Variants in MIPEP observed in about 807,000 individuals in gnomAD.
MIPEP encodes the protein mitochondrial intermediate peptidase.
A neutral mutation model predicts 90.3 loss-of-function variants in MIPEP; 79 were observed. The observed-to-expected ratio is 0.87, with a 90% CI of 0.73 to 1.05. The LOEUF is 1.05. MIPEP is among the 50% of genes least tolerant of loss of function. MIPEP has a pLI of 0.00. For missense variants in MIPEP, 940 were observed against 905.6 expected (o/e 1.04, Z -0.49); for synonymous variants, 334 against 315.8 (o/e 1.06, Z -0.61).
At chr13:23,793,299 A>G (rs201731246) in intron 16 of MIPEP, among the ~76,000 whole-genome samples, 4 of 152,372 alleles carry the variant, frequency 2.6e-5, no homozygotes, top group East Asian at 3.9e-4. Context: ...GATCTCACAG[A>G]CATGTTGTAT....
chr13:23,792,330 A>C (rs1952905463), intron 16 of MIPEP, among the ~76,000 whole-genome samples: 1 of 152,188 alleles, frequency 6.6e-6, no homozygotes, highest in Admixed American at 6.5e-5. Flanking sequence ...AGACGTCTTA[A>C]ACTTAGTATT....
intron 7 of MIPEP, 27 bp downstream of exon 7, chr13:23,869,265 C>T (rs775025123): frequency 5.2e-6 from 8 of 1,537,816 alleles, no homozygotes; most frequent in East Asian, 2.3e-5. Context: ...CCTATTTTGC[C>T]CTTAAATGTT....
intron 16 of MIPEP, among the ~76,000 whole-genome samples, chr13:23,779,596 G>A (rs769223939): frequency 3.9e-5 from 6 of 152,038 alleles, no homozygotes; most frequent in Non-Finnish European, 8.8e-5. Flanking sequence ...ACTGGGGCTC[G>A]TCGGACAGTA....
rs1307709281 is a variant in MIPEP, at chr13:23,778,803, T to C, written c.1849-18586A>G. ...GTGCTTTGATCATACATTATTTCAG[T>C]CATAGTCCTGTGATTTAGATATCAC... On this transcript the variant is annotated intron_variant, in intron 16 of 18. Transcript: ENST00000382172. Among the ~76,000 whole-genome samples the C allele has an allele frequency of 3.9e-5, 6 of 152,220 alleles. No homozygotes were observed. The East Asian group carries it at 9.6e-4, about 24-fold the overall frequency.
chr13:23,740,289 G>T (rs1468020199), intron 18 of MIPEP, among the ~76,000 whole-genome samples: 1 of 152,104 alleles, frequency 6.6e-6, no homozygotes, highest in Non-Finnish European at 1.5e-5. Context: ...GTCTTGAGCC[G>T]AATGCAGAAA....
intron 16 of MIPEP, chr13:23,765,853 A>C (rs973015012): frequency 2.0e-5 from 3 of 152,202 alleles, no homozygotes; most frequent in Non-Finnish European, 2.9e-5. Flanking sequence ...GTTGTACTAC[A>C]AGGGCAGTTT....
chr13:23,852,628 C>A (rs1030081394), intron 10 of MIPEP, among the ~76,000 whole-genome samples: 10 of 152,228 alleles, frequency 6.6e-5, no homozygotes, highest in African/African-American at 2.4e-4. Flanking sequence ...GCCTAACACA[C>A]ACAATTAGGT....
intron 13 of MIPEP, 71 bp from the exon 14 acceptor site, chr13:23,836,420 T>TA: frequency 1.3e-6 from 1 of 788,022 alleles, no homozygotes. Flanking sequence ...GTGTGCCCTT[T>TA]AAAACTTTTA....
At chr13:23,737,137 C>T (rs1952274617) in intron 18 of MIPEP, among the ~76,000 whole-genome samples, 1 of 152,244 alleles carries the variant, frequency 6.6e-6, no homozygotes, top group Non-Finnish European at 1.5e-5. Context: ...GGCTTCCGTT[C>T]TGTGGAGCAC....
intron 16 of MIPEP, among the ~76,000 whole-genome samples, chr13:23,773,979 A>C (rs192532343): frequency 2.5e-4 from 38 of 152,340 alleles, no homozygotes; most frequent in African/African-American, 8.7e-4. Context: ...TAGGTGATGT[A>C]TCTAAGAAGC....
Position 23,730,414 on chromosome 13 carries a change from G to A in MIPEP, c.2076C>T (p.Asp692=). 6.2e-7 allele frequency: 1 copy of A among 1,612,590 alleles called. No individual in the cohort carries two copies. Among genetic ancestry groups the A allele is most frequent in the Non-Finnish European group, 8.5e-7 (1 of 1,178,970 alleles). Residue 692 remains aspartate (D), a synonymous_variant, in exon 19 of 19, where the codon GAC becomes GAT. Transcript: ENST00000382172. ...AGTCGGAAACGAGGGCACTTACGAA[G>A]TCATCAACAGAAGGACACTTCTGAA... is the stretch of plus-strand genomic sequence containing the variant. ...GMLQKCPSVD[D]FVSALVSDLD...
At chr13:23,829,631 C>T (rs1439972365) in intron 14 of MIPEP, among the ~76,000 whole-genome samples, 1 of 151,976 alleles carries the variant, frequency 6.6e-6, no homozygotes, top group Admixed American at 6.6e-5. Flanking sequence ...GACAAAAAGA[C>T]ATCTGACAGA....
At chr13:23,733,268 A>C (rs1952224654) in intron 18 of MIPEP, among the ~76,000 whole-genome samples, 1 of 146,460 alleles carries the variant, frequency 6.8e-6, no homozygotes, top group South Asian at 2.1e-4. Flanking sequence ...GATTGAGCAG[A>C]AACTTAACAG....
chr13:23,771,028 C>T (rs1952644535), intron 16 of MIPEP, among the ~76,000 whole-genome samples: 1 of 152,198 alleles, frequency 6.6e-6, no homozygotes, highest in South Asian at 2.1e-4. Context: ...CTAGAGAGGA[C>T]CCTGACCTCA....
intron 14 of MIPEP, among the ~76,000 whole-genome samples, chr13:23,814,839 T>C (rs1953215758): frequency 6.6e-6 from 1 of 152,198 alleles, no homozygotes; most frequent in African/African-American, 2.4e-5. Flanking sequence ...CACCAAAATC[T>C]GCCTGCATTT....
intron 1 of MIPEP, among the ~76,000 whole-genome samples, chr13:23,888,395 G>A (rs756993219): frequency 1.3e-5 from 2 of 152,016 alleles, no homozygotes; most frequent in East Asian, 1.9e-4. Flanking sequence ...AATTTTAAAA[G>A]GCAAAAATAA....
chr13:23,883,061 T>C (rs1219494663), intron 2 of MIPEP, among the ~76,000 whole-genome samples: 12 of 152,174 alleles, frequency 7.9e-5, no homozygotes, highest in African/African-American at 2.9e-4. Context: ...CTTATAACAG[T>C]ACTAATCTCA....
intron 2 of MIPEP, among the ~76,000 whole-genome samples, chr13:23,882,205 G>A (rs1161044300): frequency 6.6e-6 from 1 of 152,008 alleles, no homozygotes; most frequent in South Asian, 2.1e-4. Flanking sequence ...ACGTAGCTGT[G>A]ACTACAGGTG....
chr13:23,888,105 C>G (rs1368736576), intron 1 of MIPEP: 1 of 434,030 alleles, frequency 2.3e-6, no homozygotes, highest in East Asian at 7.3e-5. Flanking sequence ...TATCATGATA[C>G]AAAAAGGGAA....
Sources: gnomAD v4.1 joint callset for allele counts (sites outside exome capture counted in the v4.1 genomes callset) on GRCh38, gnomAD v4.1.1 for gene constraint, MANE v1.5 for transcripts, NCBI Gene and HGNC (gene_info 2026-07-23, HGNC 2026-07-21) for gene names.